The following FAM161A variants were observed in gnomAD, a reference collection of about 807,000 sequenced individuals.
The protein encoded by FAM161A is FAM161 centrosomal protein A.
A neutral mutation model predicts 70.9 loss-of-function variants in FAM161A; 57 were observed. That is an observed-to-expected ratio of 0.80 (90% CI 0.65 to 1.00). The LOEUF (loss-of-function observed/expected upper bound fraction) is 1.00. Ranked by LOEUF, FAM161A falls within the 50% of genes least tolerant of loss-of-function variation. FAM161A has a pLI of 0.00. For synonymous variants in FAM161A, 299 were observed against 295.7 expected (o/e 1.01, Z -0.12); for missense variants, 880 against 836.0 (o/e 1.05, Z -0.65).
At position 61,843,934 on chromosome 2, in the gene FAM161A, G is replaced by A. The variant is rs1009652296; in HGVS notation, c.184-1574C>T. Among the ~76,000 whole-genome samples, 7 of 151,980 alleles carry A rather than the reference G, an allele frequency of 4.6e-5. No individual in the cohort carries two copies. In the East Asian group the frequency reaches 1.4e-3, roughly 30 times the overall value. ...CGAGGCAGGTGGATCACGAGGTCAGGAGATTGAGACAATCCTGGCTAACAT... is the reference window on the plus strand; with the variant it reads ...CGAGGCAGGTGGATCACGAGGTCAGAAGATTGAGACAATCCTGGCTAACAT... On this transcript the variant is annotated intron_variant, in intron 1 of 6. Transcript: ENST00000404929.
chr2:61,851,640 T>C (rs935555302), intron 1 of FAM161A, among the ~76,000 whole-genome samples: 1 of 152,200 alleles, frequency 6.6e-6, no homozygotes, highest in Non-Finnish European at 1.5e-5. Flanking sequence ...TACAGAATAC[T>C]GCGTTACCTG....
chr2:61,821,749 T>C (rs1672207314), downstream of FAM161A, among the ~76,000 whole-genome samples: 8 of 151,840 alleles, frequency 5.3e-5, no homozygotes, highest in South Asian at 1.7e-3. Flanking sequence ...GGTCAGAATA[T>C]TGGATTTTAT....
chr2:61,815,854 C>A, the FAM161A span, among the ~76,000 whole-genome samples: 1 of 151,886 alleles, frequency 6.6e-6, no homozygotes. Flanking sequence ...CCTGGCCTCT[C>A]TCCCTATGTT....
the FAM161A span, among the ~76,000 whole-genome samples, chr2:61,801,352 C>T: frequency 6.6e-6 from 1 of 151,490 alleles, no homozygotes; most frequent in Non-Finnish European, 1.5e-5. Context: ...AAAAAATTAG[C>T]TGGGTGTGGT....
chr2:61,832,937 G>A (rs929410668), intron 5 of FAM161A, among the ~76,000 whole-genome samples: 2 of 152,144 alleles, frequency 1.3e-5, no homozygotes, highest in African/African-American at 4.8e-5. Flanking sequence ...AGTGGAGCAG[G>A]ACACTTGTGG....
At chr2:61,838,123 G>A (rs961996247) in intron 4 of FAM161A, among the ~76,000 whole-genome samples, 6 of 152,172 alleles carry the variant, frequency 3.9e-5, no homozygotes, top group African/African-American at 1.4e-4. Flanking sequence ...ATTAACATAT[G>A]TGCTAATGAA....
the FAM161A span, among the ~76,000 whole-genome samples, chr2:61,807,337 A>G: frequency 6.6e-6 from 1 of 151,978 alleles, no homozygotes; most frequent in African/African-American, 2.4e-5. Context: ...TCACAAAATA[A>G]AAGGCACTTA....
the FAM161A span, among the ~76,000 whole-genome samples, chr2:61,808,927 C>T: frequency 1.3e-5 from 2 of 152,058 alleles, no homozygotes; most frequent in African/African-American, 4.8e-5. Context: ...GGCTGGAGTG[C>T]AGTGGTGTGA....
At chr2:61,827,063 T>A in intron 6 of FAM161A, 41 bp downstream of exon 6, 1 of 1,604,590 alleles carries the variant, frequency 6.2e-7, no homozygotes, top group South Asian at 1.1e-5. Flanking sequence ...AGGTAATAAT[T>A]TTTTCAAAGG....
chr2:61,820,599 G>T, downstream of FAM161A: 1 of 685,624 alleles, frequency 1.5e-6, no homozygotes, highest in Non-Finnish European at 2.7e-6. Flanking sequence ...CTAGGTAACT[G>T]GTATTAAGGG....
At chr2:61,822,594 A>T (rs1360350545), downstream of FAM161A, among the ~76,000 whole-genome samples, 8 of 151,818 alleles carry the variant, frequency 5.3e-5, no homozygotes, top group African/African-American at 1.7e-4. Flanking sequence ...GTTATTTTTT[A>T]TTTTTTTTGA....
chr2:61,813,017 C>A, the FAM161A span, among the ~76,000 whole-genome samples: 1 of 151,938 alleles, frequency 6.6e-6, no homozygotes, highest in East Asian at 1.9e-4. Flanking sequence ...GAGCCGAGAT[C>A]ATGCCACTGC....
intron 2 of FAM161A, 135 bp from the exon 3 acceptor site, chr2:61,840,716 T>C: frequency 1.5e-6 from 1 of 683,054 alleles, no homozygotes; most frequent in Non-Finnish European, 2.5e-6. Flanking sequence ...AGTGGTGTGA[T>C]ATCGGCTCAC....
chr2:61,823,324 T>C (rs1332256968), downstream of FAM161A, among the ~76,000 whole-genome samples: 23 of 56,314 alleles, frequency 4.1e-4, no homozygotes, highest in African/African-American at 1.6e-3. Flanking sequence ...CAGAGTGAGA[T>C]TCCATCTCAA....
At chr2:61,806,538 C>T in the FAM161A span, among the ~76,000 whole-genome samples, 2 of 152,094 alleles carry the variant, frequency 1.3e-5, no homozygotes, top group African/African-American at 4.8e-5. Flanking sequence ...TACTGATTCT[C>T]AGTTTTTAGT....
At chr2:61,827,813 G>C (rs79425021) in intron 5 of FAM161A, among the ~76,000 whole-genome samples, 1 of 151,910 alleles carries the variant, frequency 6.6e-6, no homozygotes, top group African/African-American at 2.4e-5. Context: ...ACCCCAAATG[G>C]GAAATCACCC....
chr2:61,809,096 T>C, the FAM161A span, among the ~76,000 whole-genome samples: 1 of 151,904 alleles, frequency 6.6e-6, no homozygotes, highest in African/African-American at 2.4e-5. Flanking sequence ...TGGTCTCAAA[T>C]TCCTGACCTC....
chr2:61,850,558 G>T (rs1057152867), intron 1 of FAM161A, among the ~76,000 whole-genome samples: 40 of 151,914 alleles, frequency 2.6e-4, no homozygotes, highest in African/African-American at 9.4e-4. Context: ...TTCGAGACCA[G>T]CCTGGGGAAC....
chr2:61,822,338 T>C (rs1021232127), downstream of FAM161A, among the ~76,000 whole-genome samples: 6 of 152,068 alleles, frequency 3.9e-5, no homozygotes, highest in Admixed American at 3.3e-4. Context: ...ACAGGTAAGT[T>C]AGTAAACCAC....
Sources: allele counts gnomAD v4.1 joint callset (sites outside exome capture counted in the v4.1 genomes callset), GRCh38; gene constraint gnomAD v4.1.1; transcripts MANE v1.5; gene names NCBI Gene and HGNC (gene_info 2026-07-23, HGNC 2026-07-21).